PTPRE: variants seen among roughly 807,000 people sequenced by gnomAD.
PTPRE encodes the protein receptor-type tyrosine-protein phosphatase epsilon.
In PTPRE, 51 loss-of-function variants were observed where a neutral mutation model predicts 102.0. The observed-to-expected ratio is 0.50, with a 90% CI of 0.40 to 0.63. The LOEUF is 0.63. Ranked by LOEUF, PTPRE falls within the 30% of genes least tolerant of loss-of-function variation. The probability of loss-of-function intolerance (pLI) is 0.00; values close to 1 mark genes in which losing one functional copy is unlikely to be tolerated. For missense variants in PTPRE, 752 were observed against 915.1 expected (o/e 0.82, Z 2.30); for synonymous variants, 345 against 348.2 (o/e 0.99, Z 0.10).
chr10:127,908,448 G>C (rs778183955), intron 1 of PTPRE, among the ~76,000 whole-genome samples: 10 of 151,996 alleles, frequency 6.6e-5, no homozygotes, highest in Non-Finnish European at 1.5e-4. Flanking sequence ...GGGTGGGGAG[G>C]GGGGGTGTGG....
chr10:128,061,637 G>C, intron 8 of PTPRE, 42 bp from the exon 9 acceptor site: 1 of 1,565,984 alleles, frequency 6.4e-7, no homozygotes, highest in Non-Finnish European at 8.6e-7. Context: ...TTTCAGCAAA[G>C]ATAATTCTGA....
intron 1 of PTPRE, among the ~76,000 whole-genome samples, chr10:127,942,185 G>A (rs950651327): frequency 5.3e-5 from 8 of 152,162 alleles, no homozygotes; most frequent in Admixed American, 4.6e-4. Context: ...CAGAAGGAGA[G>A]CTGTGATATC....
At chr10:128,071,289 GA>G (rs1206398878) in intron 15 of PTPRE, 8 of 253,376 alleles carry the variant, frequency 3.2e-5, no homozygotes, top group Non-Finnish European at 4.7e-5. Flanking sequence ...CCCTTACACA[GA>G]GGGGCCTGAG....
rs7101037 is a variant in PTPRE, at chr10:127,962,576, C to T, written c.-30-19698C>T. ...CTCTGCAGGGCGGGGTCAGGCCTCC[C>T]GCTCAGTTCTGCATCAGTACTTGCA... On this transcript the variant is annotated intron_variant, in intron 1 of 20. Coordinates refer to ENST00000254667, the MANE Select transcript of PTPRE (RefSeq NM_006504.6). Among the ~76,000 whole-genome samples the T allele has an allele frequency of 3.1e-3, 478 of 152,188 alleles. 4 individuals are homozygous for T. Among genetic ancestry groups the T allele is most frequent in the African/African-American group, 9.4e-3 (389 of 41,514 alleles).
chr10:128,023,283 A>G (rs1409555502), intron 2 of PTPRE, among the ~76,000 whole-genome samples: 1 of 152,130 alleles, frequency 6.6e-6, no homozygotes, highest in African/African-American at 2.4e-5. Flanking sequence ...GAAAAAGGAT[A>G]GTATATATAC....
chr10:128,047,563 G>A (rs41282854), intron 4 of PTPRE, 74 bp downstream of exon 4: 40 of 1,611,008 alleles, frequency 2.5e-5, no homozygotes, highest in Middle Eastern at 1.7e-4. Context: ...TGCTGTGGGC[G>A]TGGGCTGTGC....
chr10:128,002,350 G>A (rs1187628520), intron 2 of PTPRE, among the ~76,000 whole-genome samples: 1 of 152,194 alleles, frequency 6.6e-6, no homozygotes, highest in Non-Finnish European at 1.5e-5. Flanking sequence ...TTGTATAAAG[G>A]TGGTCATTTG....
At chr10:128,022,261 C>T (rs1358543740) in intron 2 of PTPRE, among the ~76,000 whole-genome samples, 1 of 152,194 alleles carries the variant, frequency 6.6e-6, no homozygotes, top group African/African-American at 2.4e-5. Flanking sequence ...GCACCCCGCT[C>T]CCTGAGAACC....
intron 8 of PTPRE, 45 bp from the exon 9 acceptor site, chr10:128,061,634 A>G (rs1174481104): frequency 9.6e-6 from 15 of 1,563,666 alleles, no homozygotes; most frequent in African/African-American, 1.4e-5. Context: ...TCCTTTCAGC[A>G]AAGATAATTC....
At position 127,993,385 on chromosome 10, in the gene PTPRE, T is replaced by C. The variant is rs114511487; in HGVS notation, c.-8+11089T>C. 9.0e-3 allele frequency among the ~76,000 whole-genome samples: 1,375 copies of C among 152,280 alleles called. 18 individuals carry two copies. Among genetic ancestry groups the C allele is most frequent in the African/African-American group, 0.031 (1,283 of 41,542 alleles). ...TGTGTGACACATAACTTGAAGCTAATGCGTGGTGGGGCCACCGCAGAGGGA... is the reference window on the plus strand; with the variant it reads ...TGTGTGACACATAACTTGAAGCTAACGCGTGGTGGGGCCACCGCAGAGGGA... On this transcript the variant is annotated intron_variant, in intron 2 of 20. Coordinates refer to ENST00000254667, the MANE Select transcript of PTPRE (RefSeq NM_006504.6).
chr10:128,056,831 G>C (rs1849012082), intron 7 of PTPRE, among the ~76,000 whole-genome samples: 1 of 152,020 alleles, frequency 6.6e-6, no homozygotes, highest in Non-Finnish European at 1.5e-5. Context: ...TCGGTGACCT[G>C]CTCCAGCTGG....
At chr10:127,928,186 GT>G (rs2135219498) in intron 1 of PTPRE, among the ~76,000 whole-genome samples, 1 of 152,324 alleles carries the variant, frequency 6.6e-6, no homozygotes, top group Admixed American at 6.5e-5. Context: ...AGTGTTCACT[GT>G]TTACGCTTAT....
chr10:128,077,634 G>A lies in PTPRE; in HGVS notation c.1743G>A (p.Glu581=). ...CCCTGCAGCCCCAGGCCCGCCAGGA[G>A]GAGCAGGTCCGAGTAGTGCGCCAGT... ...VTLNQPQARQ[E]EQVRVVRQFH... The change falls in exon 19 of 21, where the codon GAG becomes GAA. Residue 581 remains glutamate (E), a synonymous_variant. Transcript: ENST00000254667. The A allele has an allele frequency of 6.2e-7, 1 of 1,609,844 alleles. No homozygotes were observed. The highest frequency in any genetic ancestry group is 1.1e-5 in the South Asian group (1 of 90,970).
intron 1 of PTPRE, among the ~76,000 whole-genome samples, chr10:127,970,418 T>C (rs1850639557): frequency 6.6e-6 from 1 of 151,348 alleles, no homozygotes; most frequent in Non-Finnish European, 1.5e-5. Flanking sequence ...TCCCACCCTC[T>C]ACCCACCCCA....
At chr10:128,005,206 G>A (rs988803419) in intron 2 of PTPRE, among the ~76,000 whole-genome samples, 7 of 152,164 alleles carry the variant, frequency 4.6e-5, no homozygotes, top group Admixed American at 3.9e-4. Flanking sequence ...CTTTGCTGAC[G>A]CTGTCTTCTG....
At chr10:127,996,672 T>C (rs942449434) in intron 2 of PTPRE, among the ~76,000 whole-genome samples, 1 of 152,158 alleles carries the variant, frequency 6.6e-6, no homozygotes, top group African/African-American at 2.4e-5. Context: ...TCATGAAAAC[T>C]CTTCTTTCCA....
At position 128,060,993 on chromosome 10, in the gene PTPRE, A is replaced by G; in HGVS notation, c.566A>G (p.Tyr189Cys). The G allele has an allele frequency of 6.2e-7, 1 of 1,614,168 alleles. No homozygotes were observed. The highest frequency in any genetic ancestry group is 8.5e-7 in the Non-Finnish European group (1 of 1,180,002). ...SQLDGIPCSDYINASYIDGYK... is the reference protein window; with the variant it reads ...SQLDGIPCSDCINASYIDGYK... ...CTGGATGGAATTCCCTGTTCAGACT[A>G]CATCAATGCTTCCTACATAGATGTA... Residue 189 changes from tyrosine to cysteine, a missense_variant, in exon 8 of 21, where the codon TAC becomes TGC. Physicochemically the swap from Tyr to Cys is radical, Grantham distance 194 (BLOSUM62 -2). Around this residue, in one of 2 missense-constraint regions of PTPRE, gnomAD observed 636 missense variants for 824.4 expected, o/e 0.77. Coordinates refer to ENST00000254667, the MANE Select transcript of PTPRE (RefSeq NM_006504.6).
intron 11 of PTPRE, 49 bp from the exon 12 acceptor site, chr10:128,068,074 C>A: frequency 6.4e-7 from 1 of 1,567,990 alleles, no homozygotes; most frequent in Admixed American, 1.7e-5. Flanking sequence ...GCTGGGGGAG[C>A]AGGGGGAGGA....
chr10:127,927,609 C>G (rs1294119161), intron 1 of PTPRE, among the ~76,000 whole-genome samples: 1 of 152,192 alleles, frequency 6.6e-6, no homozygotes, highest in East Asian at 1.9e-4. Flanking sequence ...GAACAGTCCC[C>G]CTCCTCATGG....
Sources: gnomAD v4.1 joint callset for allele counts (sites outside exome capture counted in the v4.1 genomes callset) on GRCh38, gnomAD v4.1.1 for gene constraint, gnomAD v4.1.1 regional missense constraint, MANE v1.5 for transcripts, NCBI Gene and HGNC (gene_info 2026-07-23, HGNC 2026-07-21) for gene names.